XPNPEP2: variants seen among roughly 807,000 people sequenced by gnomAD.
XPNPEP2 encodes the protein X-prolyl aminopeptidase 2.
Under a neutral mutation model 59.8 loss-of-function variants are expected in XPNPEP2, and 64 were observed. The ratio of observed to expected loss-of-function variants is 1.07; its 90% CI spans 0.87 to 1.32. XPNPEP2 has a LOEUF of 1.32. Among genes scored for constraint, XPNPEP2 ranks in the 40% most tolerant of loss-of-function variants. The probability of loss-of-function intolerance (pLI) is 0.00; values close to 1 mark genes in which losing one functional copy is unlikely to be tolerated. For missense variants in XPNPEP2, 575 were observed against 546.8 expected (o/e 1.05, Z -0.51); for synonymous variants, 235 against 210.0 (o/e 1.12, Z -1.03).
At chrX:129,745,305 G>C in intron 4 of XPNPEP2, 39 bp downstream of exon 4, 2 of 1,201,258 alleles carry the variant, frequency 1.7e-6, no homozygotes, top group Admixed American at 2.2e-5. Context: ...TTTGTTGGTA[G>C]ATCCAGAGGT....
chrX:129,752,181 G>A lies in XPNPEP2; in HGVS notation c.853G>A (p.Glu285Lys), dbSNP rs756494472. 16 of 1,199,797 alleles carry A rather than the reference G, an allele frequency of 1.3e-5. No homozygotes were observed. The highest frequency in any genetic ancestry group is 1.2e-4 in the East Asian group (4 of 32,876). The change falls in exon 10 of 21, where the codon GAA becomes AAA. Residue 285 changes from glutamate (E) to lysine (K), a missense_variant. Glu to Lys is a moderately conservative substitution (Grantham distance 56). Transcript: ENST00000371106. ...LFANKSRFSS[E>K]TLSYLNSSCT... The stretch of plus-strand genomic sequence containing the variant: ...TGCAAACAAGAGTCGCTTTAGCTCC[G>A]AAACCTTGAGCTATCTGAACTCCAG...
At position 129,748,064 on chromosome X, in the gene XPNPEP2, AC is replaced by A. The variant is rs199998316; in HGVS notation, c.637+315del. ...AGAGAAAGATGAGAGAAAATATCCA[AC>A]CCCTTTCAAGAGAGAAAAAATCATG... On this transcript the variant is annotated intron_variant, in intron 7 of 20. Transcript: ENST00000371106. Among the ~76,000 whole-genome samples, 31 of 111,554 alleles carry A rather than the reference AC, an allele frequency of 2.8e-4. No homozygotes were observed. In the East Asian group the frequency reaches 7.9e-3, roughly 28 times the overall value.
chrX:129,752,889 C>T (rs1229319233), intron 10 of XPNPEP2, among the ~76,000 whole-genome samples: 2 of 112,379 alleles, frequency 1.8e-5, no homozygotes, highest in African/African-American at 6.5e-5. Flanking sequence ...CTGGTGGGAT[C>T]CGAAGACAGG....
intron 13 of XPNPEP2, 138 bp downstream of exon 13, chrX:129,755,509 T>C: frequency 3.6e-6 from 2 of 558,114 alleles, no homozygotes; most frequent in Admixed American, 6.6e-5. Context: ...CTGTGGGGGC[T>C]GGGAGAGGAG....
intron 1 of XPNPEP2, 85 bp from the exon 2 acceptor site, chrX:129,742,023 G>T: frequency 4.3e-6 from 4 of 925,569 alleles, no homozygotes; most frequent in Non-Finnish European, 6.2e-6. Context: ...TGGAGGCCCC[G>T]TGGGGCGGGC....
Position 129,751,535 on chromosome X carries a change from GAAGAAAGAAAGAAAGAAAGAAAGA to G in XPNPEP2, c.740-170_740-147del, listed in dbSNP as rs1178245774. Among the ~76,000 whole-genome samples, 231 of 50,849 alleles carry G rather than the reference GAAGAAAGAAAGAAAGAAAGAAAGA, an allele frequency of 4.5e-3. 1 individual carries two copies. The highest frequency in any genetic ancestry group is 0.015 in the African/African-American group (199 of 13,716). 44.2% of individuals were successfully genotyped at this position (50,849 alleles called of 115,157 possible). On this transcript the variant is annotated intron_variant, in intron 8 of 20. Transcript: ENST00000371106. The stretch of plus-strand genomic sequence containing the variant: ...AGAAAAGAAAGAAAAAGAAAGAAAG[GAAGAAAGAAAGAAAGAAAGAAAGA>G]AAGAAAGAAAGAAAGAAAGAAAGAA...
At position 129,741,507 on chromosome X, in the gene XPNPEP2, C is replaced by T. The variant is rs1023667228; in HGVS notation, c.50-601C>T. Among the ~76,000 whole-genome samples the T allele has an allele frequency of 1.2e-4, 13 of 112,152 alleles. No homozygotes were observed. In the East Asian group the frequency reaches 2.2e-3, roughly 19 times the overall value. ...ATGAGATACTGTAGATGAATTGCTG[C>T]GTTCAGTATCTGGCACATAATAGGG... On this transcript the variant is annotated intron_variant, in intron 1 of 20. Transcript: ENST00000371106.
Position 129,765,635 on chromosome X carries a change from C to CTTTTTTTTTT in XPNPEP2, c.1741-1955_1741-1946dup, listed in dbSNP as rs56014067. 6.7e-4 allele frequency among the ~76,000 whole-genome samples: 45 copies of CTTTTTTTTTT among 67,317 alleles called. 1 individual carries two copies. The highest frequency in any genetic ancestry group is 1.4e-3 in the African/African-American group (23 of 16,779). The allele number at this position is 67,317 out of a possible 115,157, so 58.5% of individuals were successfully genotyped here. A position where few individuals can be genotyped will look rare whatever the true frequency, so the allele number is the denominator to read the frequency against. The stretch of plus-strand genomic sequence containing the variant: ...TATTTCTTTTTTTCTTTCTTTCTTT[C>CTTTTTTTTTT]TTTTTTTTTTTTTTTTTTTTTTGAT... On this transcript the variant is annotated intron_variant, in intron 19 of 20. Transcript: ENST00000371106.
intron 12 of XPNPEP2, 142 bp downstream of exon 12, chrX:129,754,723 A>G: frequency 3.6e-6 from 2 of 552,665 alleles, no homozygotes; most frequent in East Asian, 7.8e-5. Context: ...TCTGGAGAAC[A>G]AGGAGTGACA....
chrX:129,765,067 T>C (rs1415324739), intron 19 of XPNPEP2, among the ~76,000 whole-genome samples: 2 of 112,449 alleles, frequency 1.8e-5, no homozygotes, highest in African/African-American at 6.5e-5. Context: ...AGCGTATGTA[T>C]CTATCTATGT....
At chrX:129,758,446 C>T (rs859579) in intron 14 of XPNPEP2, among the ~76,000 whole-genome samples, 10,184 of 111,020 alleles carry the variant, frequency 0.092, 777 homozygotes, top group African/African-American at 0.24. Flanking sequence ...ACCATTTCTC[C>T]CCTCTCCCTC....
In XPNPEP2 at chrX:129,761,226, A is replaced by G. The variant is rs1415818230; in HGVS notation, c.1553A>G (p.Tyr518Cys). Residue 518 changes from tyrosine to cysteine, a missense_variant, in exon 17 of 21, where the codon TAT becomes TGT. Tyr to Cys is a radical substitution (Grantham distance 194). Coordinates refer to ENST00000371106, the MANE Select transcript of XPNPEP2 (RefSeq NM_003399.6). ...RRALWDAGLN[Y>C]GHGTGHGIGN... ...GCCTTGTGGGATGCTGGTCTCAATT[A>G]TGGTCATGGGACAGGCCACGGCATT... 1 of 1,210,503 alleles carries G rather than the reference A, an allele frequency of 8.3e-7. No homozygotes were observed. The highest frequency in any genetic ancestry group is 3.0e-5 in the East Asian group (1 of 33,793).
At chrX:129,761,103 C>T in intron 16 of XPNPEP2, 69 bp from the exon 17 acceptor site, 1 of 1,070,484 alleles carries the variant, frequency 9.3e-7, no homozygotes, top group Non-Finnish European at 1.3e-6. Flanking sequence ...GATAGTGAAG[C>T]AAGAAGGGGC....
At chrX:129,764,162 G>A (rs1556395495) in intron 19 of XPNPEP2, among the ~76,000 whole-genome samples, 1 of 104,530 alleles carries the variant, frequency 9.6e-6, no homozygotes, top group African/African-American at 3.5e-5. Flanking sequence ...GCCAAGAGAT[G>A]TGTGACAAAT....
At chrX:129,768,194 A>T in intron 20 of XPNPEP2, 97 bp from the exon 21 acceptor site, 1 of 867,937 alleles carries the variant, frequency 1.2e-6, no homozygotes, top group Non-Finnish European at 1.6e-6. Context: ...GACTATGGTG[A>T]CAGCTGGAGT....
chrX:129,757,895 GAAAGAAAGAA>G (rs765147894), intron 14 of XPNPEP2, among the ~76,000 whole-genome samples: 154 of 13,731 alleles, frequency 0.011, 1 homozygote, highest in Middle Eastern at 0.042. Flanking sequence ...GAGAGAGAGA[GAAAGAAAGAA>G]AGAAAGAAAG....
chrX:129,744,796 G>A (rs1456309255), intron 3 of XPNPEP2, among the ~76,000 whole-genome samples: 1 of 112,123 alleles, frequency 8.9e-6, no homozygotes, highest in East Asian at 2.8e-4. Context: ...CTTTGCAGAA[G>A]TTATGATGTT....
chrX:129,754,306 C>T (rs1482535448), intron 11 of XPNPEP2, among the ~76,000 whole-genome samples, 166 bp from the exon 12 acceptor site: 1 of 112,520 alleles, frequency 8.9e-6, no homozygotes, highest in Non-Finnish European at 1.9e-5. Flanking sequence ...AACAGGAACA[C>T]ACTATGATCA....
At chrX:129,743,805 C>T (rs1343850232) in intron 2 of XPNPEP2, among the ~76,000 whole-genome samples, 156 bp from the exon 3 acceptor site, 1 of 112,302 alleles carries the variant, frequency 8.9e-6, no homozygotes, top group Non-Finnish European at 1.9e-5. Context: ...GTTGCCACCC[C>T]ATCCCTTCCC....
Sources: allele counts gnomAD v4.1 joint callset (sites outside exome capture counted in the v4.1 genomes callset), GRCh38; gene constraint gnomAD v4.1.1; transcripts MANE v1.5; gene names NCBI Gene and HGNC (gene_info 2026-07-23, HGNC 2026-07-21).